TRIO: variants seen among roughly 807,000 people sequenced by gnomAD.
TRIO encodes the protein trio Rho guanine nucleotide exchange factor, also known as triple functional domain protein.
In TRIO, 58 loss-of-function variants were observed where a neutral mutation model predicts 351.9. The ratio of observed to expected loss-of-function variants is 0.16; its 90% confidence interval spans 0.13 to 0.21. The LOEUF (loss-of-function observed/expected upper bound fraction) is 0.21, where lower values mean the gene tolerates loss of function less well. Ranked by LOEUF, TRIO falls within the 10% of genes least tolerant of loss-of-function variation. The pLI is 1.00. For synonymous variants in TRIO, 1,758 were observed against 1,595.7 expected (o/e 1.10, Z -2.42); for missense variants, 3,201 against 4,027.8 (o/e 0.79, Z 5.56).
intron 36 of TRIO, 152 bp from the exon 37 acceptor site, chr5:14,465,393 A>G (rs934986809): frequency 4.6e-5 from 32 of 695,676 alleles, no homozygotes; most frequent in Non-Finnish European, 6.1e-5. Flanking sequence ...CAAAAGGATG[A>G]CTTTAAATAA....
intron 1 of TRIO, among the ~76,000 whole-genome samples, chr5:14,265,135 T>C (rs1437324940): frequency 1.3e-5 from 2 of 151,706 alleles, no homozygotes; most frequent in Non-Finnish European, 2.9e-5. Context: ...TCCCATTTAG[T>C]AAACACTAAC....
chr5:14,287,423 G>A (rs140569284), intron 4 of TRIO, among the ~76,000 whole-genome samples: 35 of 152,320 alleles, frequency 2.3e-4, no homozygotes, highest in African/African-American at 7.7e-4. Context: ...CCTTGCCTCA[G>A]CCCTGGAGAT....
At chr5:14,384,567 C>A (rs1285557270) in intron 21 of TRIO, among the ~76,000 whole-genome samples, 1 of 151,258 alleles carries the variant, frequency 6.6e-6, no homozygotes, top group African/African-American at 2.4e-5. Flanking sequence ...ATGATGTTTT[C>A]CAAGGTAAAT....
At chr5:14,175,492 T>G (rs1449302315) in intron 1 of TRIO, among the ~76,000 whole-genome samples, 1 of 152,208 alleles carries the variant, frequency 6.6e-6, no homozygotes, top group Non-Finnish European at 1.5e-5. Context: ...GAGCTAAAGA[T>G]TCTAGATTAT....
chr5:14,393,028 C>T (rs1192028432), intron 27 of TRIO, among the ~76,000 whole-genome samples: 2 of 143,372 alleles, frequency 1.4e-5, no homozygotes, highest in African/African-American at 2.6e-5. Flanking sequence ...GTCTGGGCGA[C>T]AGAGCGAGAC....
In TRIO at chr5:14,168,899, G is replaced by A. The variant is rs572893400; in HGVS notation, c.157+25017G>A. Among the ~76,000 whole-genome samples the A allele has an allele frequency of 3.3e-5, 5 of 152,326 alleles. No homozygotes were observed. In the South Asian group the frequency reaches 6.2e-4, roughly 19 times the overall value. Reference sequence around the variant, plus strand: ...AAACCCAAGGTCTATCTGGCATTCCGCTCCTGGCGGCAGACCGTAGTCTTT... The same window carrying A: ...AAACCCAAGGTCTATCTGGCATTCCACTCCTGGCGGCAGACCGTAGTCTTT... On this transcript the variant is annotated intron_variant, in intron 1 of 56. Transcript: ENST00000344204.
intron 33 of TRIO, among the ~76,000 whole-genome samples, chr5:14,407,967 A>G (rs1036387070): frequency 6.6e-6 from 1 of 152,216 alleles, no homozygotes; most frequent in African/African-American, 2.4e-5. Context: ...TGAGCCCAGA[A>G]TTGCTGAGCT....
intron 34 of TRIO, among the ~76,000 whole-genome samples, chr5:14,429,582 C>G (rs964456426): frequency 2.6e-5 from 4 of 152,164 alleles, no homozygotes; most frequent in Non-Finnish European, 5.9e-5. Context: ...CACATAGGCA[C>G]AACACTTTTA....
chr5:14,384,800 C>T (rs139095735), intron 21 of TRIO, among the ~76,000 whole-genome samples: 4 of 152,038 alleles, frequency 2.6e-5, no homozygotes, highest in African/African-American at 9.6e-5. Context: ...TAAAACTTTA[C>T]ACAAGACAGT....
chr5:14,248,447 C>G (rs1200704385), intron 1 of TRIO, among the ~76,000 whole-genome samples: 4 of 152,188 alleles, frequency 2.6e-5, no homozygotes, highest in Non-Finnish European at 5.9e-5. Flanking sequence ...GTGATTTGAT[C>G]CATTCGTTAC....
intron 1 of TRIO, among the ~76,000 whole-genome samples, chr5:14,266,626 G>C (rs1284922501): frequency 1.3e-5 from 2 of 152,300 alleles, no homozygotes; most frequent in East Asian, 3.9e-4. Context: ...GAAACTTGTA[G>C]TTATTTTAAA....
At chr5:14,314,601 G>C (rs1263342334) in intron 8 of TRIO, among the ~76,000 whole-genome samples, 3 of 152,214 alleles carry the variant, frequency 2.0e-5, no homozygotes, top group African/African-American at 7.2e-5. Context: ...CTGGGCAAAA[G>C]AGAAAAACCG....
chr5:14,291,788 TAAAAAAAAAA>T (rs57424190), intron 5 of TRIO, among the ~76,000 whole-genome samples: 62,054 of 101,492 alleles, frequency 0.61, 16,760 homozygotes, highest in Middle Eastern at 0.68. Context: ...GACTCCGTCT[TAAAAAAAAAA>T]AAAAAAAAAA....
intron 1 of TRIO, among the ~76,000 whole-genome samples, chr5:14,268,999 G>A (rs1366881389): frequency 6.6e-6 from 1 of 152,178 alleles, no homozygotes. Flanking sequence ...CAGATGTTTT[G>A]CCTTTTATAA....
intron 10 of TRIO, among the ~76,000 whole-genome samples, chr5:14,334,323 C>A (rs1325260717): frequency 1.3e-5 from 2 of 152,198 alleles, no homozygotes; most frequent in African/African-American, 4.8e-5. Flanking sequence ...AGTGCTGACA[C>A]AGGCCCCACC....
At position 14,482,764 on chromosome 5, in the gene TRIO, C is replaced by G. The variant is rs751085008; in HGVS notation, c.6648C>G (p.Asn2216Lys). ...CCATGCCGGGATTCCTGTTTAAGAA[C>G]AGTATCAAGGTAACGTGTGTCTCTG... ...GFSMPGFLFK[N>K]SIKVSCLCLE... The change falls in exon 46 of 57, where the codon AAC becomes AAG. Residue 2216 changes from asparagine (N) to lysine (K), a missense_variant. Physicochemically the swap from Asn to Lys is moderately conservative, Grantham distance 94 (BLOSUM62 0). Transcript: ENST00000344204. 1 of 1,598,072 alleles carries G rather than the reference C, an allele frequency of 6.3e-7. No homozygotes were observed. Among genetic ancestry groups the G allele is most frequent in the African/African-American group, 1.3e-5 (1 of 74,452 alleles).
intron 11 of TRIO, among the ~76,000 whole-genome samples, chr5:14,352,974 GATT>G (rs1464468494): frequency 5.9e-5 from 9 of 152,118 alleles, no homozygotes; most frequent in South Asian, 4.1e-4. Flanking sequence ...GAGAGGAAGT[GATT>G]TCTATAGACT....
rs1745556767 is a variant in TRIO at position 14,376,355 on chromosome 5, G to A, written c.3332-1657G>A. ...AGACTTAGTGTCAAAAACTCAAAAA[G>A]TGTACAAATACATATGTTAGCTAAT... On this transcript the variant is annotated intron_variant, in intron 19 of 56. Transcript: ENST00000344204. 2.0e-5 allele frequency among the ~76,000 whole-genome samples: 3 copies of A among 152,304 alleles called. No individual in the cohort carries two copies. In the South Asian group the frequency reaches 6.2e-4, roughly 32 times the overall value.
intron 41 of TRIO, among the ~76,000 whole-genome samples, chr5:14,478,711 G>C (rs920438412): frequency 6.6e-6 from 1 of 151,622 alleles, no homozygotes; most frequent in Non-Finnish European, 1.5e-5. Context: ...CCAACACTTT[G>C]GGCAGCCAAG....
Sources: gnomAD v4.1 joint callset for allele counts (sites outside exome capture counted in the v4.1 genomes callset) on GRCh38, gnomAD v4.1.1 for gene constraint, MANE v1.5 for transcripts, NCBI Gene and HGNC (gene_info 2026-07-23, HGNC 2026-07-21) for gene names.